Variants in HSD17B12 observed in about 807,000 individuals in gnomAD.
HSD17B12 encodes very-long-chain 3-oxoacyl-CoA reductase.
HSD17B12 carries 32 observed loss-of-function variants against 39.3 expected under a neutral mutation model. The ratio of observed to expected loss-of-function variants is 0.81; its 90% CI spans 0.61 to 1.09. The LOEUF (loss-of-function observed/expected upper bound fraction) is 1.09, where lower values mean the gene tolerates loss of function less well. Ranked by LOEUF, HSD17B12 falls within the 50% of genes least tolerant of loss-of-function variation. HSD17B12 has a pLI of 0.00. For missense variants in HSD17B12, 342 were observed against 382.9 expected, an observed-to-expected ratio of 0.89 and a Z score of 0.89; for synonymous variants, 150 against 146.7, an observed-to-expected ratio of 1.02 and a Z score of -0.16.
chr11:43,590,368 G>T, the HSD17B12 span, among the ~76,000 whole-genome samples: 2 of 145,180 alleles, frequency 1.4e-5, no homozygotes, highest in African/African-American at 2.6e-5. Context: ...ACCTCAACTG[G>T]CATTAACCAG....
rs938553324 is a variant in HSD17B12 at position 43,681,216 on chromosome 11, A to C, written c.160+229A>C. 1.4e-5 allele frequency: 18 copies of C among 1,258,082 alleles called. No homozygotes were observed. The African/African-American group carries it at 2.7e-4, about 19-fold the overall frequency. 77.9% of individuals were successfully genotyped at this position (1,258,082 alleles called of 1,614,324 possible). On this transcript the variant is annotated intron_variant, in intron 1 of 10. Coordinates refer to ENST00000278353, the MANE Select transcript of HSD17B12 (RefSeq NM_016142.3). ...ATACACTGCTCGCTCAATCCTGGGA[A>C]TCTAAGCTCAGCTTAGGGTGTAGGA... is the stretch of plus-strand genomic sequence containing the variant.
the HSD17B12 span, among the ~76,000 whole-genome samples, chr11:43,667,103 G>A: frequency 0.19 from 28,291 of 152,142 alleles, 3,090 homozygotes; most frequent in Middle Eastern, 0.27. Flanking sequence ...TAAGAGAAAA[G>A]TAGAGATAAC....
the HSD17B12 span, among the ~76,000 whole-genome samples, chr11:43,619,442 T>A: frequency 2.0e-5 from 3 of 148,214 alleles, no homozygotes; most frequent in African/African-American, 7.4e-5. Context: ...CAGGCTGGAG[T>A]GCAGTGGCGT....
chr11:43,738,775 A>AATG (rs1565070024), intron 1 of HSD17B12, among the ~76,000 whole-genome samples: 1 of 152,214 alleles, frequency 6.6e-6, no homozygotes, highest in Non-Finnish European at 1.5e-5. Context: ...CTGTGTGATG[A>AATG]ATGTCATGAT....
At chr11:43,636,490 T>C in the HSD17B12 span, among the ~76,000 whole-genome samples, 2 of 152,136 alleles carry the variant, frequency 1.3e-5, no homozygotes, top group Non-Finnish European at 2.9e-5. Flanking sequence ...ATTCTTAAAA[T>C]TTAGGCATAT....
intron 3 of HSD17B12, among the ~76,000 whole-genome samples, chr11:43,768,275 A>G (rs965695804): frequency 1.3e-5 from 2 of 152,258 alleles, no homozygotes; most frequent in Admixed American, 1.3e-4. Flanking sequence ...ACTATGTTTG[A>G]ATGCAATTGC....
intron 3 of HSD17B12, among the ~76,000 whole-genome samples, chr11:43,774,677 T>A (rs1467992295): frequency 1.3e-5 from 2 of 152,214 alleles, no homozygotes; most frequent in South Asian, 4.1e-4. Context: ...AATCAACTCA[T>A]TGAATCCTTG....
At chr11:43,708,681 C>G (rs1347162087) in intron 1 of HSD17B12, among the ~76,000 whole-genome samples, 3 of 152,230 alleles carry the variant, frequency 2.0e-5, no homozygotes, top group Non-Finnish European at 4.4e-5. Context: ...GTAGGTTACT[C>G]TGTGCCTAAA....
chr11:43,593,933 C>T, the HSD17B12 span, among the ~76,000 whole-genome samples: 1 of 151,868 alleles, frequency 6.6e-6, no homozygotes, highest in South Asian at 2.1e-4. Context: ...ATGCATAAAC[C>T]CAAAATGTAT....
chr11:43,684,865 C>G (rs183807168), intron 1 of HSD17B12, among the ~76,000 whole-genome samples: 1 of 152,204 alleles, frequency 6.6e-6, no homozygotes, highest in South Asian at 2.1e-4. Flanking sequence ...CCCTGACCCC[C>G]ACCCGCTCCA....
chr11:43,631,491 G>A, the HSD17B12 span, among the ~76,000 whole-genome samples: 1 of 152,004 alleles, frequency 6.6e-6, no homozygotes, highest in South Asian at 2.1e-4. Context: ...AGAGACAGTA[G>A]GTTCCTACAT....
chr11:43,676,497 G>A (rs1469650009), upstream of HSD17B12, among the ~76,000 whole-genome samples: 1 of 152,108 alleles, frequency 6.6e-6, no homozygotes, highest in African/African-American at 2.4e-5. Context: ...GTAATTTAGA[G>A]GCCAGTAAGA....
upstream of HSD17B12, among the ~76,000 whole-genome samples, chr11:43,676,829 G>T (rs1949698312): frequency 6.6e-6 from 1 of 152,136 alleles, no homozygotes; most frequent in Non-Finnish European, 1.5e-5. Context: ...AATATGTATT[G>T]TTAGTTTATA....
At chr11:43,710,956 C>G (rs1950059658) in intron 1 of HSD17B12, among the ~76,000 whole-genome samples, 1 of 152,088 alleles carries the variant, frequency 6.6e-6, no homozygotes, top group Non-Finnish European at 1.5e-5. Context: ...CCACGCCTGG[C>G]TAATTTTTGT....
At chr11:43,847,051 A>G (rs1242631949) in intron 9 of HSD17B12, among the ~76,000 whole-genome samples, 2 of 149,586 alleles carry the variant, frequency 1.3e-5, no homozygotes, top group African/African-American at 2.5e-5. Flanking sequence ...AGAAGAAACT[A>G]AAAAAGAGTG....
At chr11:43,814,530 C>T (rs192318022) in intron 4 of HSD17B12, among the ~76,000 whole-genome samples, 12 of 152,116 alleles carry the variant, frequency 7.9e-5, no homozygotes, top group Admixed American at 1.3e-4. Flanking sequence ...TGGGGAAAAC[C>T]ATAGGATATT....
the HSD17B12 span, among the ~76,000 whole-genome samples, chr11:43,638,700 A>AT: frequency 2.0e-5 from 3 of 152,288 alleles, no homozygotes; most frequent in African/African-American, 7.2e-5. Flanking sequence ...TAAGATTAAT[A>AT]TATCGTGGTG....
intron 3 of HSD17B12, among the ~76,000 whole-genome samples, chr11:43,794,716 G>A (rs1018985836): frequency 3.9e-5 from 6 of 152,204 alleles, no homozygotes; most frequent in African/African-American, 1.4e-4. Flanking sequence ...GCTGTCTGCT[G>A]GTGATACTCC....
intron 1 of HSD17B12, among the ~76,000 whole-genome samples, chr11:43,720,540 C>G (rs1950167127): frequency 6.6e-6 from 1 of 152,222 alleles, no homozygotes; most frequent in African/African-American, 2.4e-5. Context: ...CTCTGCCTGC[C>G]ATCAGGTCCC....
Sources: allele counts gnomAD v4.1 joint callset (sites outside exome capture counted in the v4.1 genomes callset), GRCh38; gene constraint gnomAD v4.1.1; transcripts MANE v1.5; gene names NCBI Gene and HGNC (gene_info 2026-07-23, HGNC 2026-07-21).